The following GLCCI1 variants were observed in gnomAD, a reference collection of about 807,000 sequenced individuals.
GLCCI1 encodes glucocorticoid-induced transcript 1 protein.
In GLCCI1, 24 loss-of-function variants were observed where a neutral mutation model predicts 52.2. The observed-to-expected ratio is 0.46, with a 90% CI of 0.33 to 0.65. The LOEUF is 0.65. GLCCI1 is among the 30% of genes least tolerant of loss of function. GLCCI1 has a pLI of 0.02. For synonymous variants in GLCCI1, 310 were observed against 276.5 expected, an observed-to-expected ratio of 1.12 and a Z score of -1.20; for missense variants, 704 against 701.5, an observed-to-expected ratio of 1.00 and a Z score of -0.04.
At chr7:8,051,513 AC>A (rs1414875713) in intron 3 of GLCCI1, among the ~76,000 whole-genome samples, 29 of 152,274 alleles carry the variant, frequency 1.9e-4, no homozygotes, top group Admixed American at 1.1e-3. Flanking sequence ...TTCAGCTGTT[AC>A]CTTGAGTGAC....
intron 3 of GLCCI1, 110 bp from the exon 4 acceptor site, chr7:8,055,323 C>G (rs1782361184): frequency 1.8e-6 from 1 of 556,978 alleles, no homozygotes; most frequent in African/African-American, 1.9e-5. Flanking sequence ...ATTGTCTCTT[C>G]TTAGAAACTT....
At chr7:8,012,997 G>T (rs1364878924) in intron 2 of GLCCI1, among the ~76,000 whole-genome samples, 1 of 152,102 alleles carries the variant, frequency 6.6e-6, no homozygotes, top group Non-Finnish European at 1.5e-5. Flanking sequence ...TGAATATCCA[G>T]TTCTCCCAGC....
At position 7,969,254 on chromosome 7, in the gene GLCCI1, ACT is replaced by A. The variant is rs1202879958; in HGVS notation, c.-95_-94del. Reference sequence around the variant, plus strand: ...ATACCCCCGCCCCTCCCCCTTACACACTCGCACGCACTATCGCGCCGGCTCCC... The same window carrying A: ...ATACCCCCGCCCCTCCCCCTTACACACGCACGCACTATCGCGCCGGCTCCC... On this transcript the variant is annotated 5_prime_UTR_variant, in exon 1 of 8. Transcript: ENST00000223145. This position sits in a 1 kb window ranked among gnomAD's most constrained non-coding sequence, Gnocchi z 4.9. 9.9e-7 allele frequency: 1 copy of A among 1,014,208 alleles called. No individual in the cohort carries two copies. The highest frequency in any genetic ancestry group is 1.2e-6 in the Non-Finnish European group (1 of 840,220). 62.8% of individuals were successfully genotyped at this position (1,014,208 alleles called of 1,614,324 possible).
intron 3 of GLCCI1, among the ~76,000 whole-genome samples, chr7:8,035,645 A>G (rs933154546): frequency 3.9e-5 from 6 of 152,218 alleles, no homozygotes; most frequent in African/African-American, 1.4e-4. Flanking sequence ...GACAGGTTCT[A>G]CACCAAAGAT....
intron 2 of GLCCI1, among the ~76,000 whole-genome samples, chr7:8,007,001 T>G (rs1325166545): frequency 6.6e-6 from 1 of 152,198 alleles, no homozygotes; most frequent in African/African-American, 2.4e-5. Flanking sequence ...GGTTTTAGAT[T>G]ACCTGGAGTA....
At chr7:8,060,715 G>A (rs756537305) in intron 5 of GLCCI1, among the ~76,000 whole-genome samples, 1 of 152,144 alleles carries the variant, frequency 6.6e-6, no homozygotes, top group Non-Finnish European at 1.5e-5. Context: ...TATTTATTCA[G>A]TCATCAATTA....
Position 8,012,432 on chromosome 7 carries a change from C to CTTTTTTT in GLCCI1, c.609+8397_609+8403dup, listed in dbSNP as rs71014746. 2.8e-3 allele frequency among the ~76,000 whole-genome samples: 194 copies of CTTTTTTT among 70,392 alleles called. 21 individuals carry two copies. The highest frequency in any genetic ancestry group is 3.9e-3 in the Admixed American group (18 of 4,604). The allele number at this position is 70,392 out of a possible 152,430, so 46.2% of individuals were successfully genotyped here. ...CCATTCTGTGGGTTGCCTTTTTATTCTTTTTTTTTTTTTTTTTTTTTTTTT... is the reference window on the plus strand; with the variant it reads ...CCATTCTGTGGGTTGCCTTTTTATTCTTTTTTTTTTTTTTTTTTTTTTTTTTTTTTTT... On this transcript the variant is annotated intron_variant, in intron 2 of 7. Coordinates refer to ENST00000223145, the MANE Select transcript of GLCCI1 (RefSeq NM_138426.4).
At position 8,012,853 on chromosome 7, in the gene GLCCI1, A is replaced by G. The variant is rs545290573; in HGVS notation, c.609+8794A>G. Among the ~76,000 whole-genome samples the G allele has an allele frequency of 9.9e-5, 15 of 152,280 alleles. No individual in the cohort carries two copies. The South Asian group carries it at 3.1e-3, about 32-fold the overall frequency. Reference sequence around the variant, plus strand: ...GTACTTTTGTTGGCATATTCAAGAAATCCTTGCCAAATCCAGTGTCAGGAA... The same window carrying G: ...GTACTTTTGTTGGCATATTCAAGAAGTCCTTGCCAAATCCAGTGTCAGGAA... On this transcript the variant is annotated intron_variant, in intron 2 of 7. Transcript: ENST00000223145.
At chr7:7,994,828 G>C (rs1780907446) in intron 1 of GLCCI1, among the ~76,000 whole-genome samples, 2 of 152,136 alleles carry the variant, frequency 1.3e-5, no homozygotes, top group Non-Finnish European at 1.5e-5. Flanking sequence ...CTATTTAATG[G>C]ACAGAAAATG....
intron 2 of GLCCI1, among the ~76,000 whole-genome samples, chr7:8,021,880 A>C (rs1381426963): frequency 6.6e-6 from 1 of 152,218 alleles, no homozygotes; most frequent in Non-Finnish European, 1.5e-5. Flanking sequence ...GTTTTTTAGA[A>C]GATGTATTAC....
intron 6 of GLCCI1, among the ~76,000 whole-genome samples, chr7:8,076,273 T>A (rs953043669): frequency 6.6e-6 from 1 of 152,154 alleles, no homozygotes; most frequent in Non-Finnish European, 1.5e-5. Flanking sequence ...CCTTGAAAAA[T>A]CACTGCTTTT....
chr7:8,078,979 A>C (rs151198286), intron 6 of GLCCI1, among the ~76,000 whole-genome samples: 2 of 152,216 alleles, frequency 1.3e-5, no homozygotes, highest in African/African-American at 2.4e-5. Context: ...AATTTTATCT[A>C]ATGTTGCACT....
intron 3 of GLCCI1, among the ~76,000 whole-genome samples, chr7:8,035,171 G>A (rs534404995): frequency 4.6e-5 from 7 of 152,186 alleles, no homozygotes; most frequent in Non-Finnish European, 8.8e-5. Context: ...CTCCCTCAGG[G>A]AGTGCTGCTC....
chr7:7,972,042 C>T (rs1780364997), intron 1 of GLCCI1, among the ~76,000 whole-genome samples: 1 of 152,178 alleles, frequency 6.6e-6, no homozygotes, highest in Middle Eastern at 3.2e-3. Flanking sequence ...CCCCACTACC[C>T]AAATTAAAAC....
At position 7,969,347 on chromosome 7, in the gene GLCCI1, C is replaced by T. The variant is rs1485811143; in HGVS notation, c.-4C>T. On this transcript the variant is annotated 5_prime_UTR_variant, in exon 1 of 8. Transcript: ENST00000223145. The surrounding 1 kb of genome is among the most constrained non-coding windows in gnomAD (Gnocchi z 4.9). ...CGGCGGCGTCCAGGGCCCGCAGAGCCACCATGTCCACTGCCTCCTCCTCCT... is the reference window on the plus strand; with the variant it reads ...CGGCGGCGTCCAGGGCCCGCAGAGCTACCATGTCCACTGCCTCCTCCTCCT... 1 of 1,483,732 alleles carries T rather than the reference C, an allele frequency of 6.7e-7. No homozygotes were observed. The highest frequency in any genetic ancestry group is 1.2e-5 in the South Asian group (1 of 81,516). The allele number at this position is 1,483,732 out of a possible 1,614,324, so 91.9% of individuals were successfully genotyped here.
At chr7:8,071,467 G>A (rs1238480474) in intron 6 of GLCCI1, among the ~76,000 whole-genome samples, 2 of 152,146 alleles carry the variant, frequency 1.3e-5, no homozygotes, top group Admixed American at 1.3e-4. Context: ...CTTTACCATG[G>A]TAAAATCAAG....
chr7:8,005,433 G>A (rs930143748), intron 2 of GLCCI1, among the ~76,000 whole-genome samples: 3 of 152,072 alleles, frequency 2.0e-5, no homozygotes, highest in Non-Finnish European at 2.9e-5. Context: ...ACTGTGTACC[G>A]TGTACTGTTT....
chr7:8,039,389 A>G (rs574443034), intron 3 of GLCCI1, among the ~76,000 whole-genome samples: 1 of 152,314 alleles, frequency 6.6e-6, no homozygotes, highest in Admixed American at 6.5e-5. Flanking sequence ...CTGATCAGAT[A>G]AAGAAAATGT....
chr7:7,995,458 C>T (rs936593500), intron 1 of GLCCI1, among the ~76,000 whole-genome samples: 2 of 151,998 alleles, frequency 1.3e-5, no homozygotes, highest in Non-Finnish European at 2.9e-5. Flanking sequence ...TGCAGTGAGC[C>T]GAGATCGTGC....
Sources: allele counts gnomAD v4.1 joint callset (sites outside exome capture counted in the v4.1 genomes callset), GRCh38; gene constraint gnomAD v4.1.1; non-coding constraint Gnocchi (gnomAD v3.1); transcripts MANE v1.5; gene names NCBI Gene and HGNC (gene_info 2026-07-23, HGNC 2026-07-21).